The following KCNT2 variants were observed in gnomAD, a reference collection of about 807,000 sequenced individuals.
KCNT2 encodes the protein potassium channel subfamily T member 2.
A neutral mutation model predicts 153.8 loss-of-function variants in KCNT2; 67 were observed. The observed-to-expected ratio is 0.44, with a 90% CI of 0.36 to 0.53. The LOEUF (loss-of-function observed/expected upper bound fraction) is 0.53. Among genes scored for constraint, KCNT2 ranks in the 20% least tolerant of loss-of-function variants. KCNT2 has a pLI of 0.00. For missense variants in KCNT2, 975 were observed against 1,354.8 expected, an observed-to-expected ratio of 0.72 and a Z score of 4.40; for synonymous variants, 500 against 458.8, an observed-to-expected ratio of 1.09 and a Z score of -1.15.
chr1:196,513,352 A>G (rs189187613), intron 1 of KCNT2, among the ~76,000 whole-genome samples: 103 of 152,318 alleles, frequency 6.8e-4, no homozygotes, highest in Non-Finnish European at 1.2e-3. Flanking sequence ...GAGGTTGGCA[A>G]TCTGTGGATT....
intron 22 of KCNT2, among the ~76,000 whole-genome samples, chr1:196,292,573 G>C (rs1660284163): frequency 1.3e-5 from 2 of 152,208 alleles, no homozygotes; most frequent in South Asian, 2.1e-4. Flanking sequence ...TTGGGAGGCC[G>C]AGGCGGGCGG....
At chr1:196,313,400 T>C (rs995430137) in intron 21 of KCNT2, among the ~76,000 whole-genome samples, 2 of 151,442 alleles carry the variant, frequency 1.3e-5, no homozygotes, top group Admixed American at 6.6e-5. Context: ...CTAGGTAAGA[T>C]TGTTGAAATC....
At chr1:196,243,966 A>T (rs577433500) in intron 26 of KCNT2, among the ~76,000 whole-genome samples, 1 of 152,046 alleles carries the variant, frequency 6.6e-6, no homozygotes, top group Admixed American at 6.6e-5. Context: ...ACGAAAGAGT[A>T]AAAAGGACTT....
intron 12 of KCNT2, among the ~76,000 whole-genome samples, chr1:196,403,669 A>G (rs1426594184): frequency 6.6e-6 from 1 of 151,414 alleles, no homozygotes; most frequent in East Asian, 2.0e-4. Context: ...GTAGGGGGTG[A>G]GATATGGACA....
chr1:196,529,429 G>A (rs567036992), intron 1 of KCNT2, among the ~76,000 whole-genome samples: 16 of 152,150 alleles, frequency 1.1e-4, no homozygotes, highest in African/African-American at 2.9e-4. Context: ...GGTTGAAGTC[G>A]TGGAAAAGGT....
intron 21 of KCNT2, among the ~76,000 whole-genome samples, chr1:196,308,662 G>A (rs1170214657): frequency 6.6e-6 from 1 of 151,900 alleles, no homozygotes; most frequent in Non-Finnish European, 1.5e-5. Flanking sequence ...AGGAAACTGA[G>A]GACCAAAGAG....
At chr1:196,555,782 AGG>A (rs1658567931) in intron 1 of KCNT2, among the ~76,000 whole-genome samples, 1 of 151,300 alleles carries the variant, frequency 6.6e-6, no homozygotes, top group Admixed American at 6.6e-5. Context: ...ACAGCATGGT[AGG>A]TACTGGCATA....
chr1:196,328,543 T>A (rs1294222873), intron 18 of KCNT2, among the ~76,000 whole-genome samples: 3 of 149,986 alleles, frequency 2.0e-5, no homozygotes, highest in African/African-American at 7.4e-5. Context: ...GAGCCACATC[T>A]ACAAGAAAAA....
At chr1:196,316,525 TTATGTAAGACC>T (rs896149099) in intron 20 of KCNT2, among the ~76,000 whole-genome samples, 29 of 151,856 alleles carry the variant, frequency 1.9e-4, no homozygotes, top group African/African-American at 6.5e-4. Flanking sequence ...TATTATTCCT[TTATGTAAGACC>T]TATGTGCTAT....
At chr1:196,276,160 A>G (rs1371936441) in intron 25 of KCNT2, among the ~76,000 whole-genome samples, 20 of 151,926 alleles carry the variant, frequency 1.3e-4, no homozygotes, top group Admixed American at 1.3e-3. Context: ...TCTTTTCCAT[A>G]TATTCCACTA....
At chr1:196,347,849 C>T (rs1666272406) in intron 14 of KCNT2, among the ~76,000 whole-genome samples, 1 of 152,132 alleles carries the variant, frequency 6.6e-6, no homozygotes, top group African/African-American at 2.4e-5. Context: ...ATTCTTGACC[C>T]TCAGCTTAAT....
intron 26 of KCNT2, among the ~76,000 whole-genome samples, chr1:196,249,002 A>G (rs1655698834): frequency 6.6e-6 from 1 of 152,204 alleles, no homozygotes; most frequent in Non-Finnish European, 1.5e-5. Flanking sequence ...GAGATGCTTC[A>G]ACATGTGCAA....
At chr1:196,323,066 A>G (rs1663488888) in intron 19 of KCNT2, among the ~76,000 whole-genome samples, 1 of 151,990 alleles carries the variant, frequency 6.6e-6, no homozygotes, top group Non-Finnish European at 1.5e-5. Context: ...TAACCATTTT[A>G]CAAATCAGAA....
At chr1:196,489,426 A>G (rs1679689470) in intron 3 of KCNT2, among the ~76,000 whole-genome samples, 1 of 152,014 alleles carries the variant, frequency 6.6e-6, no homozygotes, top group Non-Finnish European at 1.5e-5. Flanking sequence ...AGAAAAAAAA[A>G]GAAAAAGAAG....
At chr1:196,398,205 C>T (rs1671111573) in intron 13 of KCNT2, among the ~76,000 whole-genome samples, 1 of 151,370 alleles carries the variant, frequency 6.6e-6, no homozygotes. Context: ...AGCCAAATAT[C>T]ACCCATCTAT....
At chr1:196,371,937 A>G (rs1558208470) in intron 14 of KCNT2, among the ~76,000 whole-genome samples, 1 of 152,092 alleles carries the variant, frequency 6.6e-6, no homozygotes, top group South Asian at 2.1e-4. Context: ...CGAAGACGTT[A>G]CGGAAAAATA....
chr1:196,391,102 G>A (rs1670449605), intron 13 of KCNT2, among the ~76,000 whole-genome samples: 1 of 151,186 alleles, frequency 6.6e-6, no homozygotes, highest in Non-Finnish European at 1.5e-5. Context: ...ATGAAGGGCA[G>A]GAAAGGGGGG....
intron 26 of KCNT2, among the ~76,000 whole-genome samples, chr1:196,248,960 C>T (rs1655695871): frequency 6.6e-6 from 1 of 152,130 alleles, no homozygotes; most frequent in African/African-American, 2.4e-5. Flanking sequence ...GATTATTCAT[C>T]ATGACCAAGT....
intron 1 of KCNT2, among the ~76,000 whole-genome samples, chr1:196,537,868 G>C (rs991763933): frequency 2.6e-5 from 4 of 152,172 alleles, no homozygotes; most frequent in Non-Finnish European, 5.9e-5. Context: ...CCTGCAATTG[G>C]AGCACCTTCC....
Sources: gnomAD v4.1 joint callset for allele counts (sites outside exome capture counted in the v4.1 genomes callset) on GRCh38, gnomAD v4.1.1 for gene constraint, MANE v1.5 for transcripts, NCBI Gene and HGNC (gene_info 2026-07-23, HGNC 2026-07-21) for gene names.